SLC24A2: variants seen among roughly 807,000 people sequenced by gnomAD.
SLC24A2 encodes the protein sodium/potassium/calcium exchanger 2.
A neutral mutation model predicts 62.0 loss-of-function variants in SLC24A2; 36 were observed. The observed-to-expected ratio is 0.58, with a 90% CI of 0.44 to 0.77. SLC24A2 has a LOEUF of 0.77. SLC24A2 is among the 30% of genes least tolerant of loss of function. The probability of loss-of-function intolerance (pLI) is 0.00; values close to 1 mark genes in which losing one functional copy is unlikely to be tolerated. For synonymous variants in SLC24A2, 358 were observed against 294.0 expected (o/e 1.22, Z -2.23); for missense variants, 846 against 817.9 (o/e 1.03, Z -0.42).
the SLC24A2 span, among the ~76,000 whole-genome samples, chr9:19,984,408 T>C: frequency 6.6e-6 from 1 of 151,882 alleles, no homozygotes; most frequent in Admixed American, 6.6e-5. Flanking sequence ...AATTGGAAAG[T>C]CCAAAAATAA....
At chr9:20,131,006 A>C in the SLC24A2 span, among the ~76,000 whole-genome samples, 3 of 151,254 alleles carry the variant, frequency 2.0e-5, no homozygotes, top group Non-Finnish European at 4.4e-5. Context: ...CACAAACCAC[A>C]ATGACGAAAA....
At chr9:19,559,541 G>C (rs1835287825) in intron 7 of SLC24A2, among the ~76,000 whole-genome samples, 2 of 152,122 alleles carry the variant, frequency 1.3e-5, no homozygotes, top group African/African-American at 4.8e-5. Flanking sequence ...TCTGTGTTTT[G>C]TGCAGAGCTG....
chr9:20,116,817 C>T, the SLC24A2 span, among the ~76,000 whole-genome samples: 66 of 152,140 alleles, frequency 4.3e-4, no homozygotes, highest in South Asian at 5.6e-3. Flanking sequence ...GTTGTTTCTG[C>T]GCTTAATGAA....
chr9:19,559,122 A>C (rs1209954764), intron 7 of SLC24A2, among the ~76,000 whole-genome samples: 1 of 152,236 alleles, frequency 6.6e-6, no homozygotes, highest in Non-Finnish European at 1.5e-5. Flanking sequence ...GTGAACACTC[A>C]AACATTCAAA....
chr9:19,633,015 T>C (rs1350979371), intron 2 of SLC24A2, among the ~76,000 whole-genome samples: 1 of 152,230 alleles, frequency 6.6e-6, no homozygotes, highest in Admixed American at 6.5e-5. Flanking sequence ...TATTCTGTTA[T>C]CAATTTCTAC....
chr9:19,830,318 T>A, the SLC24A2 span, among the ~76,000 whole-genome samples: 2 of 152,258 alleles, frequency 1.3e-5, no homozygotes, highest in Non-Finnish European at 2.9e-5. Flanking sequence ...GGGGCCTTTT[T>A]AATCAATTAA....
intron 2 of SLC24A2, among the ~76,000 whole-genome samples, chr9:19,736,133 G>C (rs1380688817): frequency 1.3e-5 from 2 of 152,084 alleles, no homozygotes; most frequent in Admixed American, 1.3e-4. Flanking sequence ...TTTATATTGG[G>C]CTTTTGTAAG....
Position 19,786,801 on chromosome 9 carries a change from A to G in SLC24A2, c.66T>C (p.Ser22=). ...TGACACTATAATGTCTTCTGCAGCC[A>G]GACAGTGACTCATCCAAACACCATT... is the stretch of plus-strand genomic sequence containing the variant. ...LEKWCLDESL[S]GCRRHYSVKK... The change falls in exon 2 of 11, where the codon TCT becomes TCC. Residue 22 remains serine, a synonymous_variant. Transcript: ENST00000341998. This position sits in a 1 kb window ranked among gnomAD's most constrained non-coding sequence, Gnocchi z 5.0. 1 of 1,610,612 alleles carries G rather than the reference A, an allele frequency of 6.2e-7. No individual in the cohort carries two copies. Among genetic ancestry groups the G allele is most frequent in the Non-Finnish European group, 8.5e-7 (1 of 1,178,874 alleles).
chr9:19,851,813 T>C, the SLC24A2 span, among the ~76,000 whole-genome samples: 8 of 152,328 alleles, frequency 5.3e-5, no homozygotes, highest in East Asian at 1.2e-3. Flanking sequence ...ATCTTTATAA[T>C]AGAATTATTT....
At chr9:20,263,652 C>G in the SLC24A2 span, among the ~76,000 whole-genome samples, 2 of 152,198 alleles carry the variant, frequency 1.3e-5, no homozygotes, top group East Asian at 3.8e-4. Flanking sequence ...TCCTGAATCA[C>G]CATGCACTAC....
chr9:19,768,398 C>T (rs1001086871), intron 2 of SLC24A2, among the ~76,000 whole-genome samples: 1 of 152,190 alleles, frequency 6.6e-6, no homozygotes, highest in African/African-American at 2.4e-5. Flanking sequence ...ATTCTCTGAC[C>T]TCATCCTACT....
At chr9:19,718,284 C>CTTT (rs71335446) in intron 2 of SLC24A2, among the ~76,000 whole-genome samples, 1,725 of 55,732 alleles carry the variant, frequency 0.031, 572 homozygotes, top group African/African-American at 0.12. Context: ...TGATTTAACA[C>CTTT]TTTTTTTTTT....
the SLC24A2 span, among the ~76,000 whole-genome samples, chr9:20,198,297 C>T: frequency 4.8e-4 from 73 of 152,318 alleles, no homozygotes; most frequent in African/African-American, 1.8e-3. Flanking sequence ...GTTGCTCTGA[C>T]TTTATTCTTT....
intron 2 of SLC24A2, among the ~76,000 whole-genome samples, chr9:19,782,545 T>C (rs1424182359): frequency 1.3e-5 from 2 of 152,334 alleles, no homozygotes; most frequent in Non-Finnish European, 2.9e-5. Context: ...AATATTATAA[T>C]ACAGCAAATA....
intron 9 of SLC24A2, among the ~76,000 whole-genome samples, 198 bp from the exon 10 acceptor site, chr9:19,521,258 G>A (rs1163429194): frequency 2.6e-5 from 4 of 152,186 alleles, no homozygotes; most frequent in Non-Finnish European, 5.9e-5. Flanking sequence ...AAGGCATCAG[G>A]AATGTTCACA....
the SLC24A2 span, among the ~76,000 whole-genome samples, chr9:19,941,525 A>C: frequency 1.5e-4 from 23 of 150,868 alleles, no homozygotes; most frequent in Middle Eastern, 3.4e-3. Context: ...AAGCCACCAG[A>C]TTTATTTACC....
the SLC24A2 span, chr9:19,929,903 G>A: frequency 1.3e-5 from 2 of 151,838 alleles, no homozygotes; most frequent in South Asian, 2.1e-4. Flanking sequence ...AGTCTAAAAA[G>A]CAAAAAATAT....
chr9:20,121,334 A>C, the SLC24A2 span, among the ~76,000 whole-genome samples: 1 of 151,880 alleles, frequency 6.6e-6, no homozygotes, highest in African/African-American at 2.4e-5. Context: ...AATCTTATAA[A>C]TTTTTTGTTA....
chr9:19,978,029 G>C, the SLC24A2 span, among the ~76,000 whole-genome samples: 1 of 152,114 alleles, frequency 6.6e-6, no homozygotes, highest in South Asian at 2.1e-4. Flanking sequence ...GGGGTGTCTT[G>C]GTAACTTACA....
Sources: allele counts gnomAD v4.1 joint callset (sites outside exome capture counted in the v4.1 genomes callset), GRCh38; gene constraint gnomAD v4.1.1; non-coding constraint Gnocchi (gnomAD v3.1); transcripts MANE v1.5; gene names NCBI Gene and HGNC (gene_info 2026-07-23, HGNC 2026-07-21).